DNAH8: variants seen among roughly 807,000 people sequenced by gnomAD.
The protein encoded by DNAH8 is dynein axonemal heavy chain 8.
In DNAH8, 382 loss-of-function variants were observed where a neutral mutation model predicts 562.1. That is an observed-to-expected ratio of 0.68 (90% CI 0.63 to 0.74). The LOEUF (loss-of-function observed/expected upper bound fraction) is 0.74. DNAH8 is among the 30% of genes least tolerant of loss of function. The pLI, the probability that DNAH8 is intolerant of heterozygous loss-of-function variation, is 0.00. For synonymous variants in DNAH8, 1,881 were observed against 1,919.4 expected, an observed-to-expected ratio of 0.98 and a Z score of 0.52; for missense variants, 5,203 against 5,620.4, an observed-to-expected ratio of 0.93 and a Z score of 2.37.
chr6:38,734,443 T>TA, intron 4 of DNAH8, 31 bp from the exon 5 acceptor site: 8 of 1,607,722 alleles, frequency 5.0e-6, no homozygotes, highest in Non-Finnish European at 6.8e-6. Flanking sequence ...GTTGTGTGAT[T>TA]ATACGCTAAG....
chr6:38,872,349 T>C (rs760818123), intron 49 of DNAH8, among the ~76,000 whole-genome samples, 187 bp from the exon 50 acceptor site: 3 of 152,206 alleles, frequency 2.0e-5, no homozygotes, highest in Non-Finnish European at 4.4e-5. Flanking sequence ...TTAGCACATA[T>C]CGTTTTATAA....
chr6:38,723,657 T>C (rs1411433380), intron 3 of DNAH8, among the ~76,000 whole-genome samples, 186 bp downstream of exon 3: 1 of 152,092 alleles, frequency 6.6e-6, no homozygotes, highest in Non-Finnish European at 1.5e-5. Context: ...TGGGGATTGC[T>C]TGAGGCCAGG....
At chr6:38,982,161 A>T (rs1441506213) in intron 85 of DNAH8, among the ~76,000 whole-genome samples, 185 bp from the exon 86 acceptor site, 1 of 152,210 alleles carries the variant, frequency 6.6e-6, no homozygotes, top group Non-Finnish European at 1.5e-5. Context: ...TTGCTTAATG[A>T]TGCATTTCTC....
chr6:38,936,922 G>A (rs1783020414), intron 77 of DNAH8, among the ~76,000 whole-genome samples: 1 of 151,982 alleles, frequency 6.6e-6, no homozygotes, highest in East Asian at 1.9e-4. Context: ...GCAGATATGG[G>A]GACTGTTAGC....
intron 91 of DNAH8, among the ~76,000 whole-genome samples, chr6:39,014,753 G>C (rs1346053057): frequency 6.6e-6 from 1 of 152,210 alleles, no homozygotes; most frequent in Non-Finnish European, 1.5e-5. Flanking sequence ...AGGGAGACCA[G>C]TGTGGCCAGG....
chr6:38,971,519 G>T, intron 82 of DNAH8, 73 bp from the exon 83 acceptor site: 1 of 937,464 alleles, frequency 1.1e-6, no homozygotes. Flanking sequence ...TAATCATTCA[G>T]AAATTAATTT....
At chr6:38,895,820 A>G (rs1779638143) in intron 59 of DNAH8, among the ~76,000 whole-genome samples, 1 of 152,176 alleles carries the variant, frequency 6.6e-6, no homozygotes, top group Non-Finnish European at 1.5e-5. Flanking sequence ...GATCTCACCT[A>G]AGTGATTCAT....
At chr6:38,977,755 T>A (rs1763767804) in intron 85 of DNAH8, among the ~76,000 whole-genome samples, 1 of 152,230 alleles carries the variant, frequency 6.6e-6, no homozygotes. Flanking sequence ...AATAATGTTC[T>A]ATGGGTTATT....
At chr6:38,855,202 T>G (rs1376435746) in intron 41 of DNAH8, among the ~76,000 whole-genome samples, 1 of 152,020 alleles carries the variant, frequency 6.6e-6, no homozygotes, top group Non-Finnish European at 1.5e-5. Context: ...TAAAACATGT[T>G]TTAATTGTTT....
chr6:38,938,141 C>G lies in DNAH8; in HGVS notation c.11731C>G (p.Leu3911Val), dbSNP rs757496707. 5.6e-6 allele frequency: 9 copies of G among 1,614,114 alleles called. No homozygotes were observed. The highest frequency in any genetic ancestry group is 7.6e-6 in the Non-Finnish European group (9 of 1,180,008). Residue 3911 changes from leucine to valine, a missense_variant, in exon 78 of 93, where the codon CTC (leucine) becomes GTC (valine). Around this residue, in one of 6 missense-constraint regions of DNAH8, gnomAD observed 1,399 missense variants for 1,518.4 expected, o/e 0.92. Transcript: ENST00000327475. ...AATRGSILYF[L>V]ITEMSMVNIM... is the part of the protein sequence containing the mutation. ...CACCCGCGGAAGCATCCTCTACTTCCTCATCACAGAGATGAGCATGGTCAA... is the reference window on the plus strand; with the variant it reads ...CACCCGCGGAAGCATCCTCTACTTCGTCATCACAGAGATGAGCATGGTCAA...
At chr6:38,870,885 A>G (rs1020507737) in intron 49 of DNAH8, among the ~76,000 whole-genome samples, 1 of 152,188 alleles carries the variant, frequency 6.6e-6, no homozygotes. Flanking sequence ...ATCTGATAGT[A>G]CTGGCTGCAG....
intron 91 of DNAH8, among the ~76,000 whole-genome samples, chr6:39,014,499 G>A (rs1391575450): frequency 6.6e-6 from 1 of 152,146 alleles, no homozygotes; most frequent in Admixed American, 6.5e-5. Flanking sequence ...CTTGGTTCCT[G>A]CCCTAAAGGA....
chr6:38,842,992 G>C, intron 35 of DNAH8, 89 bp downstream of exon 35: 1 of 1,435,650 alleles, frequency 7.0e-7, no homozygotes, highest in Non-Finnish European at 9.4e-7. Flanking sequence ...TTTATGAGAG[G>C]TTGGACTAAT....
chr6:38,844,308 T>G (rs1187000585), intron 35 of DNAH8, among the ~76,000 whole-genome samples: 1 of 152,238 alleles, frequency 6.6e-6, no homozygotes, highest in Non-Finnish European at 1.5e-5. Context: ...TTTTTAAGTC[T>G]GGCTCTGTTT....
intron 64 of DNAH8, among the ~76,000 whole-genome samples, chr6:38,909,091 C>T (rs1023854383): frequency 6.6e-6 from 1 of 152,118 alleles, no homozygotes; most frequent in Non-Finnish European, 1.5e-5. Context: ...CTGCCCTATA[C>T]AAGGAACTCA....
intron 91 of DNAH8, among the ~76,000 whole-genome samples, chr6:39,017,580 C>T (rs2235871): frequency 0.8 from 122,425 of 152,084 alleles, 49,976 homozygotes; most frequent in Middle Eastern, 0.88. Flanking sequence ...ATTTTCCGAA[C>T]GTTTAGCTCA....
intron 24 of DNAH8, among the ~76,000 whole-genome samples, chr6:38,808,832 A>G (rs1771535782): frequency 6.6e-6 from 1 of 152,172 alleles, no homozygotes; most frequent in Non-Finnish European, 1.5e-5. Flanking sequence ...CAGCAAACTA[A>G]CACAAGAGCA....
chr6:38,884,728 A>G (rs1778786984), intron 56 of DNAH8, among the ~76,000 whole-genome samples: 1 of 152,162 alleles, frequency 6.6e-6, no homozygotes, highest in Admixed American at 6.6e-5. Context: ...ATAATTTCTG[A>G]GGAGTACGTG....
intron 82 of DNAH8, among the ~76,000 whole-genome samples, chr6:38,960,533 AT>A (rs1247299674): frequency 6.6e-6 from 1 of 152,036 alleles, no homozygotes; most frequent in Non-Finnish European, 1.5e-5. Context: ...GCTGAACATA[AT>A]TGGTCATCAG....
Sources: gnomAD v4.1 joint callset for allele counts (sites outside exome capture counted in the v4.1 genomes callset) on GRCh38, gnomAD v4.1.1 for gene constraint, gnomAD v4.1.1 regional missense constraint, MANE v1.5 for transcripts, NCBI Gene and HGNC (gene_info 2026-07-23, HGNC 2026-07-21) for gene names.